The following MRPS28 variants were observed in gnomAD, a reference collection of about 807,000 sequenced individuals.
The protein encoded by MRPS28 is small ribosomal subunit protein bS1m.
In MRPS28, 7 loss-of-function variants were observed where a neutral mutation model predicts 10.8. The observed-to-expected ratio is 0.65, with a 90% CI of 0.37 to 1.22. MRPS28 has a LOEUF of 1.22. MRPS28 is among the 50% of genes most tolerant of loss of function. MRPS28 has a pLI of 0.02. For missense variants in MRPS28, 265 were observed against 232.9 expected (o/e 1.14, Z -0.90); for synonymous variants, 121 against 93.3 (o/e 1.30, Z -1.71).
chr8:79,919,859 A>G (rs891406956), intron 2 of MRPS28, among the ~76,000 whole-genome samples: 1 of 152,064 alleles, frequency 6.6e-6, no homozygotes, highest in Non-Finnish European at 1.5e-5. Flanking sequence ...CAGGTTTGTT[A>G]CATATGTATA....
At chr8:79,933,002 T>C (rs574377024) in intron 2 of MRPS28, among the ~76,000 whole-genome samples, 4 of 152,358 alleles carry the variant, frequency 2.6e-5, no homozygotes, top group South Asian at 2.1e-4. Context: ...TGTATTCTTA[T>C]GAAGGCAGAA....
At chr8:79,937,977 G>A (rs1275568161) in intron 2 of MRPS28, among the ~76,000 whole-genome samples, 1 of 152,174 alleles carries the variant, frequency 6.6e-6, no homozygotes, top group African/African-American at 2.4e-5. Context: ...TATTTTTAAA[G>A]AAGTATTTTC....
chr8:79,962,632 T>C (rs1290027222), intron 2 of MRPS28, among the ~76,000 whole-genome samples: 1 of 152,118 alleles, frequency 6.6e-6, no homozygotes, highest in African/African-American at 2.4e-5. Context: ...AGATTTTTAT[T>C]TTAAAATTGT....
chr8:79,989,830 C>A (rs1051435599), intron 2 of MRPS28, among the ~76,000 whole-genome samples: 2 of 152,154 alleles, frequency 1.3e-5, no homozygotes, highest in Admixed American at 1.3e-4. Flanking sequence ...TCTCATATTT[C>A]CAATCCCATG....
chr8:79,977,902 A>G (rs1198712085), intron 2 of MRPS28, among the ~76,000 whole-genome samples: 1 of 151,920 alleles, frequency 6.6e-6, no homozygotes, highest in Non-Finnish European at 1.5e-5. Flanking sequence ...TAAAAACACC[A>G]TATTTTATAT....
intron 2 of MRPS28, among the ~76,000 whole-genome samples, chr8:79,920,661 T>G (rs1184361264): frequency 6.6e-6 from 1 of 152,352 alleles, no homozygotes; most frequent in South Asian, 2.1e-4. Flanking sequence ...TAAATTTGCT[T>G]GAGTTCATTG....
At chr8:79,920,422 T>C (rs1810058428) in intron 2 of MRPS28, among the ~76,000 whole-genome samples, 2 of 152,188 alleles carry the variant, frequency 1.3e-5, no homozygotes, top group South Asian at 4.1e-4. Flanking sequence ...GTAAAAGTGT[T>C]CCTATTTCTC....
chr8:80,013,634 CAAAAA>C (rs5892700), intron 1 of MRPS28, among the ~76,000 whole-genome samples: 3 of 75,626 alleles, frequency 4.0e-5, no homozygotes, highest in Non-Finnish European at 7.5e-5. Flanking sequence ...GACTCCATCT[CAAAAA>C]AAAAAAAAAA....
intron 2 of MRPS28, among the ~76,000 whole-genome samples, chr8:79,983,273 T>C (rs1214779846): frequency 2.0e-5 from 3 of 151,972 alleles, no homozygotes; most frequent in South Asian, 2.1e-4. Context: ...AACCCATCTG[T>C]ACATCACCAT....
intron 1 of MRPS28, among the ~76,000 whole-genome samples, chr8:80,017,188 C>T (rs1197170738): frequency 6.6e-6 from 1 of 152,054 alleles, no homozygotes; most frequent in Non-Finnish European, 1.5e-5. Context: ...AACAAATACA[C>T]GTCTAAATAA....
chr8:80,001,487 A>C (rs1204452928), intron 2 of MRPS28, among the ~76,000 whole-genome samples: 2 of 152,244 alleles, frequency 1.3e-5, no homozygotes, highest in African/African-American at 4.8e-5. Context: ...AATGCAATGA[A>C]AATAACAATA....
chr8:80,010,879 A>C (rs1260063346), intron 1 of MRPS28, among the ~76,000 whole-genome samples: 1 of 152,270 alleles, frequency 6.6e-6, no homozygotes, highest in African/African-American at 2.4e-5. Context: ...ACTAAAGACA[A>C]GTCAGTAGGC....
chr8:79,918,849 T>C lies in MRPS28; in HGVS notation c.*131A>G. ...GGAATATTGCTAAAGAAAATTCTAATAAGAGTTATCTATAATTATAGCTTT... is the reference window on the plus strand; with the variant it reads ...GGAATATTGCTAAAGAAAATTCTAACAAGAGTTATCTATAATTATAGCTTT... On this transcript the variant is annotated 3_prime_UTR_variant, in exon 3 of 3. Coordinates refer to ENST00000276585, the MANE Select transcript of MRPS28 (RefSeq NM_014018.3). The C allele has an allele frequency of 1.5e-6, 1 of 659,410 alleles. No homozygotes were observed. Among genetic ancestry groups the C allele is most frequent in the Non-Finnish European group, 2.2e-6 (1 of 448,802 alleles). The allele number at this position is 659,410 out of a possible 1,614,324, so 40.8% of individuals were successfully genotyped here.
At chr8:79,973,638 G>A (rs539375829) in intron 2 of MRPS28, among the ~76,000 whole-genome samples, 17 of 152,264 alleles carry the variant, frequency 1.1e-4, no homozygotes, top group Non-Finnish European at 2.1e-4. Flanking sequence ...TTCTACAAAG[G>A]AAGGTTGGGG....
intron 2 of MRPS28, among the ~76,000 whole-genome samples, chr8:79,953,549 T>C (rs371042167): frequency 3.3e-5 from 5 of 152,290 alleles, no homozygotes; most frequent in East Asian, 1.9e-4. Context: ...CCTCATCCCA[T>C]ATACTAAAAT....
chr8:79,965,288 C>T (rs1807475535), intron 2 of MRPS28, among the ~76,000 whole-genome samples: 2 of 152,034 alleles, frequency 1.3e-5, no homozygotes, highest in Admixed American at 1.3e-4. Context: ...CTTAAGATGA[C>T]ACTGTTAAAT....
chr8:79,930,335 C>G (rs1751642218), intron 2 of MRPS28, among the ~76,000 whole-genome samples: 1 of 152,188 alleles, frequency 6.6e-6, no homozygotes, highest in Non-Finnish European at 1.5e-5. Flanking sequence ...TTTTCTGTTC[C>G]CGTGTTACTC....
rs577950258 is a variant in MRPS28, at chr8:79,997,141, G to T, written c.395+5858C>A. On this transcript the variant is annotated intron_variant, in intron 2 of 2. Transcript: ENST00000276585. ...AGGAAACAATCAAGTCTGTGAAATT[G>T]TTTGCTGCATTAATATGACAGAAAA... 3.9e-5 allele frequency among the ~76,000 whole-genome samples: 6 copies of T among 152,286 alleles called. No individual in the cohort carries two copies. In the South Asian group the frequency reaches 1.0e-3, roughly 26 times the overall value.
intron 2 of MRPS28, among the ~76,000 whole-genome samples, chr8:79,984,383 C>A (rs1255153706): frequency 1.3e-5 from 2 of 152,170 alleles, no homozygotes; most frequent in African/African-American, 4.8e-5. Context: ...GCAAAACAAC[C>A]AGCTAACATC....
Sources: gnomAD v4.1 joint callset for allele counts (sites outside exome capture counted in the v4.1 genomes callset) on GRCh38, gnomAD v4.1.1 for gene constraint, MANE v1.5 for transcripts, NCBI Gene and HGNC (gene_info 2026-07-23, HGNC 2026-07-21) for gene names.